ALLC: variants seen among roughly 807,000 people sequenced by gnomAD.
ALLC encodes the protein probable inactive allantoicase.
In ALLC, 40 loss-of-function variants were observed where a neutral mutation model predicts 45.0. The ratio of observed to expected loss-of-function variants is 0.89; its 90% CI spans 0.69 to 1.16. The LOEUF is 1.16. ALLC is among the 50% of genes most tolerant of loss of function. The probability of loss-of-function intolerance (pLI) is 0.00; values close to 1 mark genes in which losing one functional copy is unlikely to be tolerated. For synonymous variants in ALLC, 176 were observed against 178.1 expected, an observed-to-expected ratio of 0.99 and a Z score of 0.09; for missense variants, 488 against 493.1, an observed-to-expected ratio of 0.99 and a Z score of 0.10.
At chr2:3,660,840 A>G (rs144070463) in intron 1 of ALLC, among the ~76,000 whole-genome samples, 57 of 150,918 alleles carry the variant, frequency 3.8e-4, no homozygotes, top group Non-Finnish European at 5.3e-4. Context: ...GTCAGGGTGG[A>G]GCAGGTGATC....
At chr2:3,667,806 C>T (rs1364178633) in intron 1 of ALLC, among the ~76,000 whole-genome samples, 1 of 152,106 alleles carries the variant, frequency 6.6e-6, no homozygotes, top group African/African-American at 2.4e-5. Context: ...CTTTTGTTGC[C>T]CAGGCTGGAG....
intron 2 of ALLC, 120 bp downstream of exon 2, chr2:3,671,310 C>G (rs750631699): frequency 8.9e-6 from 10 of 1,124,818 alleles, no homozygotes; most frequent in Non-Finnish European, 1.3e-5. Flanking sequence ...GTTGGCCTGC[C>G]CAAGGAAACC....
Position 3,679,965 on chromosome 2 carries a change from T to G in ALLC, c.269T>G (p.Val90Gly), listed in dbSNP as rs1667133624. ...TTCACGGGAGATTACGCTCCTCGAGTGTCCATTCAAGCAGCAAACTTGGAA... is the reference window on the plus strand; with the variant it reads ...TTCACGGGAGATTACGCTCCTCGAGGGTCCATTCAAGCAGCAAACTTGGAA... ...SYFTGDYAPRVSIQAANLEED... is the reference protein window; with the variant it reads ...SYFTGDYAPRGSIQAANLEED... Residue 90 changes from valine (V) to glycine (G), a missense_variant, in exon 5 of 12, where the codon GTG (valine) becomes GGG (glycine). Coordinates refer to ENST00000252505, the MANE Select transcript of ALLC (RefSeq NM_018436.4). 2 of 1,613,596 alleles carry G rather than the reference T, an allele frequency of 1.2e-6. No individual in the cohort carries two copies. Among genetic ancestry groups the G allele is most frequent in the South Asian group, 2.2e-5 (2 of 91,048 alleles).
chr2:3,685,413 AC>A (rs1242483184), intron 7 of ALLC, among the ~76,000 whole-genome samples: 1 of 150,790 alleles, frequency 6.6e-6, no homozygotes, highest in Non-Finnish European at 1.5e-5. Context: ...GGCATGTCTT[AC>A]ATGGCAGCAG....
At chr2:3,652,576 T>C in the ALLC span, among the ~76,000 whole-genome samples, 1 of 147,638 alleles carries the variant, frequency 6.8e-6, no homozygotes, top group Non-Finnish European at 1.5e-5. Context: ...CCCAAAACTT[T>C]GTGATTTTTT....
At position 3,679,839 on chromosome 2, in the gene ALLC, G is replaced by A. The variant is rs376912359; in HGVS notation, c.173-30G>A. On this transcript the variant is annotated intron_variant, in intron 4 of 11. Coordinates refer to ENST00000252505, the MANE Select transcript of ALLC (RefSeq NM_018436.4). ...CAGCATCTGCTGTGTTGGCCCTAAC[G>A]AGACTGCTCTTGTCCTCTGTGTTGC... 100 of 1,612,028 alleles carry A rather than the reference G, an allele frequency of 6.2e-5. 1 individual carries two copies. The African/African-American group carries it at 8.4e-4, about 14-fold the overall frequency.
chr2:3,678,551 T>A lies in ALLC; in HGVS notation c.168T>A (p.Ile56=), dbSNP rs372808117. Residue 56 remains isoleucine (I), a synonymous_variant, in exon 4 of 12, where the codon ATT becomes ATA. Transcript: ENST00000252505. The part of the protein sequence containing the change: ...MDGWETRRKR[I]PGHDWCVLRL... ...GCTGGGAGACCAGGAGGAAAAGGATTCCAGGTAATAACAACGGTTCGTTCA... is the reference window on the plus strand; with the variant it reads ...GCTGGGAGACCAGGAGGAAAAGGATACCAGGTAATAACAACGGTTCGTTCA... The A allele has an allele frequency of 4.5e-5, 73 of 1,613,472 alleles. No homozygotes were observed. Among genetic ancestry groups the A allele is most frequent in the Non-Finnish European group, 5.9e-5 (70 of 1,179,532 alleles).
chr2:3,701,637 G>T lies in ALLC; in HGVS notation c.975+1G>T. The T allele has an allele frequency of 6.2e-7, 1 of 1,610,414 alleles. No homozygotes were observed. Among genetic ancestry groups the T allele is most frequent in the Non-Finnish European group, 8.5e-7 (1 of 1,177,788 alleles). On this transcript the variant is annotated splice_donor_variant, in intron 11 of 11. Transcript: ENST00000252505. LOFTEE classifies it high-confidence loss of function. The stretch of plus-strand genomic sequence containing the variant: ...GAAACCACTGCTTCCAGTGACCAAG[G>T]TTCGTGTGGCATGTTATTCGGATCC...
upstream of ALLC, among the ~76,000 whole-genome samples, chr2:3,654,550 A>G (rs1666400368): frequency 6.6e-6 from 1 of 152,200 alleles, no homozygotes; most frequent in Non-Finnish European, 1.5e-5. Flanking sequence ...AAGCTAGTTC[A>G]TCTGACCCAC....
intron 3 of ALLC, among the ~76,000 whole-genome samples, chr2:3,676,537 G>A (rs1002578922): frequency 7.9e-5 from 12 of 151,910 alleles, no homozygotes; most frequent in Non-Finnish European, 1.8e-4. Context: ...GTGAGCCACC[G>A]TGCCCGGCCC....
chr2:3,681,507 AT>A, intron 5 of ALLC, 126 bp from the exon 6 acceptor site: 7 of 609,164 alleles, frequency 1.1e-5, no homozygotes, highest in Non-Finnish European at 1.7e-5. Context: ...TACTTTGATC[AT>A]TTGATACTTC....
chr2:3,695,854 C>A lies in ALLC; in HGVS notation c.649C>A (p.His217Asn). 1 of 1,610,822 alleles carries A rather than the reference C, an allele frequency of 6.2e-7. No homozygotes were observed. Among genetic ancestry groups the A allele is most frequent in the Middle Eastern group, 1.7e-4 (1 of 6,040 alleles). ...AGGATTTAGTAATGCTAAGTTTGGGCACCCAAACAATATAATAGGTAAGAT... is the reference window on the plus strand; with the variant it reads ...AGGATTTAGTAATGCTAAGTTTGGGAACCCAAACAATATAATAGGTAAGAT... Reference protein sequence around the residue: ...CVGFSNAKFGHPNNIIGVGGA... With the variant: ...CVGFSNAKFGNPNNIIGVGGA... The change falls in exon 8 of 12, where the codon CAC becomes AAC. Residue 217 changes from histidine (H) to asparagine (N), a missense_variant. Physicochemically the swap from His to Asn is moderately conservative, Grantham distance 68. Transcript: ENST00000252505.
chr2:3,670,265 T>C (rs1666829625), intron 1 of ALLC, among the ~76,000 whole-genome samples: 3 of 152,244 alleles, frequency 2.0e-5, no homozygotes, highest in South Asian at 2.1e-4. Context: ...CTCATATCCA[T>C]GGACTGTTTG....
Position 3,679,969 on chromosome 2 carries a change from C to T in ALLC, c.273C>T (p.Ser91=). 2.5e-6 allele frequency: 4 copies of T among 1,613,978 alleles called. No homozygotes were observed. The African/African-American group carries it at 5.3e-5, about 22-fold the overall frequency. ...YFTGDYAPRV[S]IQAANLEEDK... is the part of the protein sequence containing the mutation. ...CGGGAGATTACGCTCCTCGAGTGTC[C>T]ATTCAAGCAGCAAACTTGGAAGAAG... The change falls in exon 5 of 12, where the codon TCC becomes TCT. Residue 91 remains serine, a synonymous_variant. Coordinates refer to ENST00000252505, the MANE Select transcript of ALLC (RefSeq NM_018436.4).
the ALLC span, among the ~76,000 whole-genome samples, chr2:3,652,465 C>A: frequency 1.3e-5 from 2 of 151,766 alleles, no homozygotes; most frequent in African/African-American, 2.4e-5. Flanking sequence ...CTGGGAAGCA[C>A]ATATTTTTCC....
At chr2:3,650,295 C>G in the ALLC span, among the ~76,000 whole-genome samples, 2 of 152,196 alleles carry the variant, frequency 1.3e-5, no homozygotes, top group East Asian at 1.9e-4. Context: ...TCCCACTGCT[C>G]CTCCTGGGGG....
chr2:3,697,604 T>C, intron 10 of ALLC, 148 bp downstream of exon 10: 1 of 585,206 alleles, frequency 1.7e-6, no homozygotes, highest in South Asian at 2.2e-5. Flanking sequence ...CTTTAACCCT[T>C]AGAACTCTGT....
intron 7 of ALLC, among the ~76,000 whole-genome samples, chr2:3,691,782 T>A (rs1011717637): frequency 1.3e-5 from 2 of 152,220 alleles, no homozygotes; most frequent in Non-Finnish European, 2.9e-5. Context: ...ATATTTTATA[T>A]CTTGTAAGCA....
At chr2:3,659,467 G>T (rs1346463081) in intron 1 of ALLC, among the ~76,000 whole-genome samples, 1 of 152,168 alleles carries the variant, frequency 6.6e-6, no homozygotes, top group African/African-American at 2.4e-5. Context: ...GCTGACCCTG[G>T]GTCTGGTCTC....
Sources: allele counts gnomAD v4.1 joint callset (sites outside exome capture counted in the v4.1 genomes callset), GRCh38; gene constraint gnomAD v4.1.1; transcripts MANE v1.5; gene names NCBI Gene and HGNC (gene_info 2026-07-23, HGNC 2026-07-21).